The following MAP2K5 variants were observed in gnomAD, a reference collection of about 807,000 sequenced individuals.
MAP2K5 encodes mitogen-activated protein kinase kinase 5, also known as dual specificity mitogen-activated protein kinase kinase 5.
MAP2K5 carries 49 observed loss-of-function variants against 83.1 expected under a neutral mutation model. The observed-to-expected ratio is 0.59, with a 90% CI of 0.47 to 0.75. MAP2K5 has a LOEUF of 0.75. Among genes scored for constraint, MAP2K5 ranks in the 30% least tolerant of loss-of-function variants. MAP2K5 has a pLI of 0.00. For synonymous variants in MAP2K5, 202 were observed against 191.8 expected, an observed-to-expected ratio of 1.05 and a Z score of -0.44; for missense variants, 457 against 557.5, an observed-to-expected ratio of 0.82 and a Z score of 1.82.
At chr15:67,797,502 G>A in intron 21 of MAP2K5, among the ~76,000 whole-genome samples, 1 of 152,126 alleles carries the variant, frequency 6.6e-6, no homozygotes, top group Non-Finnish European at 1.5e-5. Context: ...ATATTCTGTT[G>A]CCCTCTAACT....
rs2086667486 is a variant in MAP2K5 at position 67,639,487 on chromosome 15, A to T, written c.586-6744A>T. On this transcript the variant is annotated intron_variant, in intron 9 of 21. Coordinates refer to ENST00000178640, the MANE Select transcript of MAP2K5 (RefSeq NM_145160.3). ...TTAAATAACTTGCCCAAGGTCCCACAACTGATAAGTAGTGGAGCCAGGATT... is the reference window on the plus strand; with the variant it reads ...TTAAATAACTTGCCCAAGGTCCCACTACTGATAAGTAGTGGAGCCAGGATT... 3.3e-5 allele frequency among the ~76,000 whole-genome samples: 5 copies of T among 152,344 alleles called. No homozygotes were observed. The South Asian group carries it at 1.0e-3, about 32-fold the overall frequency.
rs1237221985 is a variant in MAP2K5 at position 67,801,292 on chromosome 15, A to G, written c.1243-5354A>G. Among the ~76,000 whole-genome samples, 1 of 152,224 alleles carries G rather than the reference A, an allele frequency of 6.6e-6. No homozygotes were observed. Among genetic ancestry groups the G allele is most frequent in the Non-Finnish European group, 1.5e-5 (1 of 68,044 alleles). ...TTCGGCCTCTCAAATCACCATTTACAGGGCAGTCACCTGATCACAGGGCTG... is the reference window on the plus strand; with the variant it reads ...TTCGGCCTCTCAAATCACCATTTACGGGGCAGTCACCTGATCACAGGGCTG... On this transcript the variant is annotated intron_variant, in intron 21 of 21. Transcript: ENST00000178640. This position sits in a 1 kb window ranked among gnomAD's most constrained non-coding sequence, Gnocchi z 4.8.
At chr15:67,627,555 T>A (rs2086355795) in intron 8 of MAP2K5, among the ~76,000 whole-genome samples, 1 of 152,242 alleles carries the variant, frequency 6.6e-6, no homozygotes, top group South Asian at 2.1e-4. Context: ...GCTTTATATA[T>A]GTAGTTTCCT....
Position 67,748,276 on chromosome 15 carries a change from GA to G in MAP2K5, c.1101+26del. 6.3e-7 allele frequency: 1 copy of G among 1,596,096 alleles called. No individual in the cohort carries two copies. Among genetic ancestry groups the G allele is most frequent in the Non-Finnish European group, 8.6e-7 (1 of 1,165,762 alleles). On this transcript the variant is annotated intron_variant, in intron 18 of 21. Coordinates refer to ENST00000178640, the MANE Select transcript of MAP2K5 (RefSeq NM_145160.3). The surrounding 1 kb of genome is among the most constrained non-coding windows in gnomAD (Gnocchi z 4.0). ...TTTAATGGTAAGCTTTATGAGTTCA[GA>G]AAAAAATTCACTTTTCTTTTTCCTG...
At chr15:67,579,287 G>A (rs1032464315) in intron 3 of MAP2K5, among the ~76,000 whole-genome samples, 1 of 152,074 alleles carries the variant, frequency 6.6e-6, no homozygotes, top group Non-Finnish European at 1.5e-5. Context: ...AGTCATTTTC[G>A]GACAATTTTT....
rs565894398 is a variant in MAP2K5, at chr15:67,639,281, T to C, written c.586-6950T>C. On this transcript the variant is annotated intron_variant, in intron 9 of 21. Transcript: ENST00000178640. The stretch of plus-strand genomic sequence containing the variant: ...CCTTACACCACTCTAATCCAGATGC[T>C]TGGCTTCTTTCTTGTCAGACATGTA... 2.0e-5 allele frequency among the ~76,000 whole-genome samples: 3 copies of C among 152,352 alleles called. No individual in the cohort carries two copies. In the East Asian group the frequency reaches 5.8e-4, roughly 29 times the overall value.
intron 3 of MAP2K5, among the ~76,000 whole-genome samples, chr15:67,576,075 C>T (rs992842036): frequency 6.9e-6 from 1 of 145,716 alleles, no homozygotes; most frequent in Non-Finnish European, 1.5e-5. Context: ...CACCACCACG[C>T]CTGGCTAATT....
chr15:67,561,257 C>CT lies in MAP2K5; in HGVS notation c.185-2023dup, dbSNP rs1275603497. 1.3e-5 allele frequency among the ~76,000 whole-genome samples: 2 copies of CT among 152,060 alleles called. No individual in the cohort carries two copies. Among genetic ancestry groups the CT allele is most frequent in the Non-Finnish European group, 1.5e-5 (1 of 68,008 alleles). The stretch of plus-strand genomic sequence containing the variant: ...GATATGTAACATTACATCATTTGTA[C>CT]TTTGTTTTTTCCTGTCTCCTGCATT... On this transcript the variant is annotated intron_variant, in intron 2 of 21. Coordinates refer to ENST00000178640, the MANE Select transcript of MAP2K5 (RefSeq NM_145160.3). This position sits in a 1 kb window ranked among gnomAD's most constrained non-coding sequence, Gnocchi z 4.2.
At chr15:67,545,762 T>G (rs1251839217) in intron 1 of MAP2K5, among the ~76,000 whole-genome samples, 1 of 152,150 alleles carries the variant, frequency 6.6e-6, no homozygotes, top group East Asian at 1.9e-4. Flanking sequence ...AAAAAAAAGT[T>G]GGGGAGGGGT....
intron 8 of MAP2K5, among the ~76,000 whole-genome samples, 198 bp from the exon 9 acceptor site, chr15:67,630,690 T>C (rs1305521281): frequency 6.6e-6 from 1 of 152,216 alleles, no homozygotes; most frequent in Non-Finnish European, 1.5e-5. Context: ...CAGATAGTTA[T>C]TTTAAGGTAA....
At chr15:67,751,663 G>T (rs892367316) in intron 19 of MAP2K5, among the ~76,000 whole-genome samples, 2 of 152,166 alleles carry the variant, frequency 1.3e-5, no homozygotes, top group East Asian at 3.8e-4. Context: ...ATTTGTTCTT[G>T]GCAGCCTGTT....
At chr15:67,574,115 A>G (rs897337173) in intron 3 of MAP2K5, among the ~76,000 whole-genome samples, 2 of 152,208 alleles carry the variant, frequency 1.3e-5, no homozygotes, top group African/African-American at 4.8e-5. Context: ...GGGTATGGAT[A>G]AGGATCCCTT....
intron 21 of MAP2K5, among the ~76,000 whole-genome samples, chr15:67,792,844 T>G (rs2090542300): frequency 6.6e-6 from 1 of 152,196 alleles, no homozygotes; most frequent in Admixed American, 6.5e-5. Context: ...CTTTAATGAA[T>G]TCAGAGGATC....
Position 67,747,554 on chromosome 15 carries a change from G to A in MAP2K5, c.1075-677G>A, listed in dbSNP as rs955665150. Among the ~76,000 whole-genome samples, 2 of 152,194 alleles carry A rather than the reference G, an allele frequency of 1.3e-5. No individual in the cohort carries two copies. Among genetic ancestry groups the A allele is most frequent in the African/African-American group, 4.8e-5 (2 of 41,442 alleles). ...TTTATCAGTGTTAAATGTGTGAGCA[G>A]CCTGCCTTCAGAATGTTGATCAGAA... is the stretch of plus-strand genomic sequence containing the variant. On this transcript the variant is annotated intron_variant, in intron 17 of 21. Transcript: ENST00000178640. This position sits in a 1 kb window ranked among gnomAD's most constrained non-coding sequence, Gnocchi z 4.1.
intron 19 of MAP2K5, among the ~76,000 whole-genome samples, chr15:67,756,514 ACTGTGTGTGTGTGTGTGT>A (rs1159297819): frequency 2.0e-5 from 2 of 97,844 alleles, no homozygotes; most frequent in East Asian, 3.2e-4. Context: ...ACACACAGTT[ACTGTGTGTGTGTGTGTGT>A]GTGTGTGTGT....
chr15:67,803,824 G>A (rs1394360719), intron 21 of MAP2K5, among the ~76,000 whole-genome samples: 1 of 152,178 alleles, frequency 6.6e-6, no homozygotes, highest in Non-Finnish European at 1.5e-5. Flanking sequence ...CAAGATGAGG[G>A]GGAATTGCAA....
intron 1 of MAP2K5, among the ~76,000 whole-genome samples, chr15:67,549,710 A>G (rs2084469948): frequency 6.6e-6 from 1 of 152,362 alleles, no homozygotes; most frequent in East Asian, 1.9e-4. Context: ...TTTCAACTGT[A>G]GTATATTCCA....
rs1006416187 is a variant in MAP2K5, at chr15:67,720,584, G to A, written c.1045-7332G>A. ...AGCTGTAGCAGTAGTTTGGTAGCAG[G>A]AGAATTAGACGTAAAGGTACTAATG... is the stretch of plus-strand genomic sequence containing the variant. On this transcript the variant is annotated intron_variant, in intron 16 of 21. Transcript: ENST00000178640. The surrounding 1 kb of genome is among the most constrained non-coding windows in gnomAD (Gnocchi z 5.7). 1.3e-5 allele frequency among the ~76,000 whole-genome samples: 2 copies of A among 152,152 alleles called. No individual in the cohort carries two copies. The highest frequency in any genetic ancestry group is 4.8e-5 in the African/African-American group (2 of 41,432).
Position 67,587,242 on chromosome 15 carries a change from G to A in MAP2K5, c.431+329G>A, listed in dbSNP as rs535040372. Among the ~76,000 whole-genome samples, 4 of 152,276 alleles carry A rather than the reference G, an allele frequency of 2.6e-5. No homozygotes were observed. The South Asian group carries it at 8.3e-4, about 32-fold the overall frequency. The stretch of plus-strand genomic sequence containing the variant: ...CAGTTTGGCACAGGGAGGGGTGCTG[G>A]GTTGGGGAAGGGATTTGGAGAGAGG... On this transcript the variant is annotated intron_variant, in intron 6 of 21. Transcript: ENST00000178640. The surrounding 1 kb of genome is among the most constrained non-coding windows in gnomAD (Gnocchi z 4.8).
Sources: gnomAD v4.1 joint callset for allele counts (sites outside exome capture counted in the v4.1 genomes callset) on GRCh38, gnomAD v4.1.1 for gene constraint, Gnocchi (gnomAD v3.1) non-coding constraint, MANE v1.5 for transcripts, NCBI Gene and HGNC (gene_info 2026-07-23, HGNC 2026-07-21) for gene names.